The following OSBPL10 variants were observed in gnomAD, a reference collection of about 807,000 sequenced individuals.
OSBPL10 encodes the protein oxysterol binding protein like 10.
A neutral mutation model predicts 81.7 loss-of-function variants in OSBPL10; 49 were observed. That is an observed-to-expected ratio of 0.60 (90% CI 0.48 to 0.76). The LOEUF is 0.76. Ranked by LOEUF, OSBPL10 falls within the 30% of genes least tolerant of loss-of-function variation. The pLI, the probability that OSBPL10 is intolerant of heterozygous loss-of-function variation, is 0.00. For missense variants in OSBPL10, 923 were observed against 987.8 expected (o/e 0.93, Z 0.88); for synonymous variants, 419 against 383.6 (o/e 1.09, Z -1.08).
chr3:31,662,030 C>A lies in OSBPL10; in HGVS notation c.*42G>T. The stretch of plus-strand genomic sequence containing the variant: ...ATACTCTACTACTTTAATATTCCTA[C>A]AAAAACAGGGCTATACTGGAAAGCT... On this transcript the variant is annotated 3_prime_UTR_variant, in exon 12 of 12. Transcript: ENST00000396556. 1 of 1,606,670 alleles carries A rather than the reference C, an allele frequency of 6.2e-7. No homozygotes were observed. The highest frequency in any genetic ancestry group is 8.5e-7 in the Non-Finnish European group (1 of 1,177,252).
At chr3:31,868,515 C>T (rs1409826865) in intron 3 of OSBPL10, among the ~76,000 whole-genome samples, 2 of 152,086 alleles carry the variant, frequency 1.3e-5, no homozygotes, top group Non-Finnish European at 2.9e-5. Context: ...CACATTTATC[C>T]TTTAGGGATG....
chr3:31,927,306 G>T (rs1697103057), intron 1 of OSBPL10, among the ~76,000 whole-genome samples: 2 of 152,164 alleles, frequency 1.3e-5, no homozygotes, highest in Admixed American at 1.3e-4. Context: ...ATATTTGGAG[G>T]TTATTTTCAA....
intron 2 of OSBPL10, among the ~76,000 whole-genome samples, chr3:31,996,376 A>G (rs557580227): frequency 6.6e-6 from 1 of 152,340 alleles, no homozygotes; most frequent in African/African-American, 2.4e-5. Flanking sequence ...CAAGGGAACA[A>G]TGATATGATT....
chr3:31,812,802 GAAAGAA>G (rs1699735565), intron 4 of OSBPL10, among the ~76,000 whole-genome samples: 3 of 50,142 alleles, frequency 6.0e-5, no homozygotes, highest in African/African-American at 2.7e-4. Context: ...AAGAAAGAAA[GAAAGAA>G]AGAAAGAAAG....
chr3:31,812,089 G>A lies in OSBPL10; in HGVS notation c.729+17951C>T, dbSNP rs987810528. ...GTTGCCCAGGCTGGAGTGCAGTGTC[G>A]CGATCTCGGCTCACTGCAACCTCCG... On this transcript the variant is annotated intron_variant, in intron 4 of 11. Coordinates refer to ENST00000396556, the MANE Select transcript of OSBPL10 (RefSeq NM_017784.5). Among the ~76,000 whole-genome samples the A allele has an allele frequency of 9.2e-5, 14 of 152,140 alleles. No individual in the cohort carries two copies. The South Asian group carries it at 1.7e-3, about 18-fold the overall frequency.
In OSBPL10 at chr3:31,668,679, T is replaced by C. The variant is rs1332519976; in HGVS notation, c.2059A>G (p.Ile687Val). 1 of 1,614,034 alleles carries C rather than the reference T, an allele frequency of 6.2e-7. No individual in the cohort carries two copies. The highest frequency in any genetic ancestry group is 8.5e-7 in the Non-Finnish European group (1 of 1,179,932). Residue 687 changes from isoleucine (I) to valine (V), a missense_variant, in exon 10 of 12, where the codon ATC becomes GTC. Physicochemically the swap from Ile to Val is conservative, Grantham distance 29. Transcript: ENST00000396556. ...TTTLPVYPKK[I>V]RPLEKQGPME... ...GGTCCCTGCTTCTCAAGAGGTCTGA[T>C]CTTCTTGGGATACACTGGCAGTGTG...
intron 2 of OSBPL10, among the ~76,000 whole-genome samples, chr3:31,999,073 G>A (rs1699119241): frequency 6.6e-6 from 1 of 152,220 alleles, no homozygotes; most frequent in Admixed American, 6.5e-5. Context: ...CCTGAAGAGA[G>A]CCTAGCTTTT....
chr3:31,806,008 CTAAAGCACTCT>C (rs1399556811), intron 4 of OSBPL10, among the ~76,000 whole-genome samples: 1 of 152,232 alleles, frequency 6.6e-6, no homozygotes, highest in African/African-American at 2.4e-5. Flanking sequence ...TTTGCAGAGT[CTAAAGCACTCT>C]TCATAGGTAT....
intron 6 of OSBPL10, chr3:31,718,965 A>G (rs1315445523): frequency 3.3e-5 from 5 of 152,182 alleles, no homozygotes; most frequent in Non-Finnish European, 7.3e-5. Flanking sequence ...TTCTCTTAAT[A>G]AGAGGACTGC....
chr3:31,887,814 A>G (rs1695779215), intron 1 of OSBPL10, among the ~76,000 whole-genome samples: 1 of 152,166 alleles, frequency 6.6e-6, no homozygotes, highest in African/African-American at 2.4e-5. Flanking sequence ...TAAAATCTGG[A>G]ATCTTCTTAA....
intron 1 of OSBPL10, among the ~76,000 whole-genome samples, chr3:32,058,736 T>C (rs1164918982): frequency 1.3e-5 from 2 of 152,186 alleles, no homozygotes; most frequent in African/African-American, 4.8e-5. Flanking sequence ...GGTGCCATCA[T>C]AGCTTACTGC....
At chr3:31,832,809 A>G (rs191886809) in intron 3 of OSBPL10, among the ~76,000 whole-genome samples, 2 of 152,320 alleles carry the variant, frequency 1.3e-5, no homozygotes, top group Non-Finnish European at 2.9e-5. Flanking sequence ...AGCACACTAC[A>G]TAGCAACCCA....
At chr3:31,792,858 C>CTGTGTG (rs1491358894) in intron 4 of OSBPL10, among the ~76,000 whole-genome samples, 5 of 86,042 alleles carry the variant, frequency 5.8e-5, no homozygotes, top group South Asian at 4.6e-4. Context: ...TATCTAGGCA[C>CTGTGTG]TCTGTGTGTG....
chr3:31,997,265 CT>C (rs77782306), intron 2 of OSBPL10, among the ~76,000 whole-genome samples: 18 of 147,100 alleles, frequency 1.2e-4, no homozygotes, highest in East Asian at 2.0e-4. Flanking sequence ...GAACATCATT[CT>C]TTTTTTTTTT....
At chr3:32,032,971 A>C (rs1699486787) in intron 2 of OSBPL10, among the ~76,000 whole-genome samples, 1 of 152,202 alleles carries the variant, frequency 6.6e-6, no homozygotes, top group South Asian at 2.1e-4. Context: ...ATAAAATGTA[A>C]AACAGTCATT....
intron 1 of OSBPL10, among the ~76,000 whole-genome samples, chr3:32,073,623 C>G (rs947017770): frequency 6.6e-6 from 1 of 152,162 alleles, no homozygotes; most frequent in East Asian, 1.9e-4. Context: ...CATCCTTATG[C>G]TACTCTTTGC....
chr3:31,940,949 C>CT, intron 1 of OSBPL10, among the ~76,000 whole-genome samples: 1 of 152,220 alleles, frequency 6.6e-6, no homozygotes, highest in Middle Eastern at 3.4e-3. Context: ...ACTCTCTCAT[C>CT]TTAAAAAAGG....
At chr3:32,031,211 T>A (rs911050220) in intron 2 of OSBPL10, among the ~76,000 whole-genome samples, 2 of 151,576 alleles carry the variant, frequency 1.3e-5, no homozygotes, top group Non-Finnish European at 1.5e-5. Flanking sequence ...TGAGGAGAAC[T>A]TAAGTGACAA....
intron 1 of OSBPL10, among the ~76,000 whole-genome samples, chr3:31,912,439 C>A (rs899723097): frequency 2.0e-5 from 3 of 151,058 alleles, no homozygotes; most frequent in Non-Finnish European, 4.4e-5. Flanking sequence ...GTCACGGGGT[C>A]GGGGGGCGGA....
Sources: gnomAD v4.1 joint callset for allele counts (sites outside exome capture counted in the v4.1 genomes callset) on GRCh38, gnomAD v4.1.1 for gene constraint, MANE v1.5 for transcripts, NCBI Gene and HGNC (gene_info 2026-07-23, HGNC 2026-07-21) for gene names.